TMEM44: variants seen among roughly 807,000 people sequenced by gnomAD.
TMEM44 encodes the protein transmembrane protein 44.
Under a neutral mutation model 47.8 loss-of-function variants are expected in TMEM44, and 43 were observed. The observed-to-expected ratio is 0.90, with a 90% CI of 0.70 to 1.16. TMEM44 has a LOEUF of 1.16. Among genes scored for constraint, TMEM44 ranks in the 50% most tolerant of loss-of-function variants. The probability of loss-of-function intolerance (pLI) is 0.00; values close to 1 mark genes in which losing one functional copy is unlikely to be tolerated. For synonymous variants in TMEM44, 277 were observed against 238.8 expected (o/e 1.16, Z -1.48); for missense variants, 568 against 555.2 (o/e 1.02, Z -0.23).
intron 8 of TMEM44, among the ~76,000 whole-genome samples, chr3:194,609,539 A>G (rs1325013250): frequency 2.0e-5 from 3 of 152,112 alleles, no homozygotes; most frequent in Non-Finnish European, 4.4e-5. Context: ...CTTGGAGGTC[A>G]TCGGTGACCT....
At chr3:194,591,480 G>A (rs887717085) in intron 9 of TMEM44, among the ~76,000 whole-genome samples, 3 of 152,014 alleles carry the variant, frequency 2.0e-5, no homozygotes, top group Non-Finnish European at 4.4e-5. Context: ...GGCGACAAGA[G>A]TGAAATTCTG....
intron 9 of TMEM44, among the ~76,000 whole-genome samples, chr3:194,597,748 T>C (rs1713603846): frequency 6.6e-6 from 1 of 152,162 alleles, no homozygotes; most frequent in Admixed American, 6.6e-5. Context: ...GTCCCGTCCC[T>C]GCTGTCACAC....
intron 5 of TMEM44, chr3:194,617,553 C>G (rs141170150): frequency 1.1e-5 from 7 of 650,264 alleles, no homozygotes; most frequent in Middle Eastern, 2.4e-4. Flanking sequence ...TAACGCATCC[C>G]TCCAGCGGAG....
chr3:194,629,382 CA>C (rs1401362264), intron 1 of TMEM44, among the ~76,000 whole-genome samples: 2 of 152,260 alleles, frequency 1.3e-5, no homozygotes, highest in Non-Finnish European at 2.9e-5. Flanking sequence ...AGCGCCCCCA[CA>C]GCCACTTCTC....
At chr3:194,599,904 C>T (rs894872948) in intron 9 of TMEM44, among the ~76,000 whole-genome samples, 1 of 151,908 alleles carries the variant, frequency 6.6e-6, no homozygotes, top group African/African-American at 2.4e-5. Context: ...GGATTACAGG[C>T]ATGCGCCACC....
chr3:194,619,080 A>G (rs1317902515), intron 5 of TMEM44, among the ~76,000 whole-genome samples: 2 of 152,236 alleles, frequency 1.3e-5, no homozygotes, highest in Non-Finnish European at 2.9e-5. Context: ...CATGTTACAG[A>G]GGACACTGAC....
chr3:194,605,151 T>C (rs1015484589), intron 8 of TMEM44, among the ~76,000 whole-genome samples: 6 of 121,952 alleles, frequency 4.9e-5, no homozygotes, highest in African/African-American at 2.0e-4. Flanking sequence ...TATGTATGTA[T>C]CTATCTATGT....
chr3:194,615,639 T>G lies in TMEM44; in HGVS notation c.842A>C (p.Lys281Thr). ...SKMRQALGFA[K>T]EARESPDTQA... Reference sequence around the variant, plus strand: ...GGTGTCAGGGCTCTCTCTGGCTTCCTTGGCAAATCCTAAGGCCTGTCTCAT... The same window carrying G: ...GGTGTCAGGGCTCTCTCTGGCTTCCGTGGCAAATCCTAAGGCCTGTCTCAT... Residue 281 changes from lysine (K) to threonine (T), a missense_variant, in exon 7 of 10, where the codon AAG becomes ACG. Physicochemically the swap from Lys to Thr is moderately conservative, Grantham distance 78. Coordinates refer to ENST00000347147, the MANE Select transcript of TMEM44 (RefSeq NM_001011655.3). 1 of 1,614,180 alleles carries G rather than the reference T, an allele frequency of 6.2e-7. No homozygotes were observed. Among genetic ancestry groups the G allele is most frequent in the Non-Finnish European group, 8.5e-7 (1 of 1,180,024 alleles).
chr3:194,618,938 C>A (rs1716237942), intron 5 of TMEM44, among the ~76,000 whole-genome samples: 1 of 152,222 alleles, frequency 6.6e-6, no homozygotes, highest in Non-Finnish European at 1.5e-5. Context: ...GGAGGGTGAG[C>A]CCTGGCCCGC....
rs1553824446 is a variant in TMEM44 at position 194,594,153 on chromosome 3, A to ATCTGTCTGTCTG, written c.1177-5515_1177-5514insCAGACAGACAGA. Among the ~76,000 whole-genome samples the ATCTGTCTGTCTG allele has an allele frequency of 4.0e-4, 60 of 148,394 alleles. 2 individuals carry two copies. The highest frequency in any genetic ancestry group is 6.0e-4 in the Non-Finnish European group (40 of 66,886). ...TATCTATCTATCTATCTATCTATCT[A>ATCTGTCTGTCTG]TCTATCTATCTATATCTATCTATCT... On this transcript the variant is annotated intron_variant, in intron 9 of 9. Transcript: ENST00000347147.
At chr3:194,615,232 A>C (rs770341377) in intron 7 of TMEM44, among the ~76,000 whole-genome samples, 12 of 151,842 alleles carry the variant, frequency 7.9e-5, no homozygotes, top group Non-Finnish European at 1.5e-4. Flanking sequence ...ACAGAGCAAG[A>C]CTCCATCTCA....
intron 7 of TMEM44, among the ~76,000 whole-genome samples, chr3:194,613,620 G>A (rs980370155): frequency 2.0e-5 from 3 of 151,272 alleles, no homozygotes; most frequent in African/African-American, 7.3e-5. Flanking sequence ...AGCCTCCTGA[G>A]TAGCTGGAAT....
chr3:194,623,157 C>G, intron 5 of TMEM44, 67 bp downstream of exon 5: 2 of 1,489,222 alleles, frequency 1.3e-6, no homozygotes, highest in Non-Finnish European at 1.8e-6. Context: ...ATGACCCTCT[C>G]AGGATGCTCC....
At chr3:194,615,753 C>T in intron 6 of TMEM44, 56 bp from the exon 7 acceptor site, 2 of 1,596,194 alleles carry the variant, frequency 1.3e-6, no homozygotes, top group Middle Eastern at 1.7e-4. Context: ...CTAGCGTGGC[C>T]CTTCACCCCT....
chr3:194,590,232 A>G (rs1274056038), intron 9 of TMEM44: 3 of 152,228 alleles, frequency 2.0e-5, no homozygotes, highest in Non-Finnish European at 4.4e-5. Flanking sequence ...AGAAATAAAG[A>G]GCCCAGTTTG....
intron 1 of TMEM44, among the ~76,000 whole-genome samples, chr3:194,630,732 C>T (rs542073119): frequency 2.1e-5 from 3 of 145,280 alleles, no homozygotes; most frequent in East Asian, 2.1e-4. Context: ...ACCTGCCTCC[C>T]GAAGGGGCTG....
intron 9 of TMEM44, 57 bp downstream of exon 9, chr3:194,604,230 C>G: frequency 6.5e-7 from 1 of 1,548,722 alleles, no homozygotes; most frequent in Non-Finnish European, 8.7e-7. Context: ...GAGCACCCAG[C>G]AAGTGTCGGC....
chr3:194,618,554 TAGTTA>T (rs10575374), intron 5 of TMEM44, among the ~76,000 whole-genome samples: 54,760 of 147,332 alleles, frequency 0.37, 10,924 homozygotes, highest in East Asian at 0.78. Flanking sequence ...AAATTATATA[TAGTTA>T]AGTTTATATA....
intron 8 of TMEM44, among the ~76,000 whole-genome samples, chr3:194,606,515 G>A (rs759413006): frequency 6.6e-6 from 1 of 152,064 alleles, no homozygotes; most frequent in Non-Finnish European, 1.5e-5. Context: ...AAAAGCCCAG[G>A]TCCCTGAATC....
Sources: allele counts gnomAD v4.1 joint callset (sites outside exome capture counted in the v4.1 genomes callset), GRCh38; gene constraint gnomAD v4.1.1; transcripts MANE v1.5; gene names NCBI Gene and HGNC (gene_info 2026-07-23, HGNC 2026-07-21).